Variants in LRRK2 observed in about 807,000 individuals in gnomAD.
The protein encoded by LRRK2 is leucine rich repeat kinase 2, also known as leucine-rich repeat serine/threonine-protein kinase 2.
LRRK2 carries 203 observed loss-of-function variants against 302.6 expected under a neutral mutation model. The ratio of observed to expected loss-of-function variants is 0.67; its 90% CI spans 0.60 to 0.75. LRRK2 has a LOEUF of 0.75. Ranked by LOEUF, LRRK2 falls within the 30% of genes least tolerant of loss-of-function variation. The probability of loss-of-function intolerance (pLI) is 0.00; values close to 1 mark genes in which losing one functional copy is unlikely to be tolerated. For synonymous variants in LRRK2, 1,066 were observed against 1,031.9 expected, an observed-to-expected ratio of 1.03 and a Z score of -0.63; for missense variants, 2,830 against 2,951.0, an observed-to-expected ratio of 0.96 and a Z score of 0.95.
chr12:40,298,778 A>AAAATATATAT (rs1555185329), intron 24 of LRRK2, among the ~76,000 whole-genome samples: 1 of 60,646 alleles, frequency 1.6e-5, no homozygotes, highest in Middle Eastern at 7.7e-3. Flanking sequence ...GTCTCAAAGA[A>AAAATATATAT]ATATATATAT....
chr12:40,309,278 CTG>C, intron 30 of LRRK2, 45 bp downstream of exon 30: 1 of 1,532,314 alleles, frequency 6.5e-7, no homozygotes, highest in Non-Finnish European at 8.7e-7. Flanking sequence ...ATTCATGTGT[CTG>C]TGTGCGTGTG....
At chr12:40,354,258 TTA>T in intron 44 of LRRK2, 39 bp from the exon 45 acceptor site, 1 of 1,564,476 alleles carries the variant, frequency 6.4e-7, no homozygotes, top group East Asian at 2.2e-5. Context: ...TTGCTTAAGC[TTA>T]AATCAAATCC....
At chr12:40,367,193 A>G in intron 50 of LRRK2, 116 bp downstream of exon 50, 2 of 904,822 alleles carry the variant, frequency 2.2e-6, no homozygotes, top group Non-Finnish European at 3.5e-6. Flanking sequence ...CAGGAATTTT[A>G]ATTGGTAGTT....
At chr12:40,322,207 C>T in intron 36 of LRRK2, 26 bp downstream of exon 36, 1 of 1,569,504 alleles carries the variant, frequency 6.4e-7, no homozygotes, top group Non-Finnish European at 8.7e-7. Context: ...TGAATGTTTT[C>T]AATTGCAACA....
At chr12:40,335,233 T>G in intron 40 of LRRK2, 76 bp downstream of exon 40, 1 of 1,445,576 alleles carries the variant, frequency 6.9e-7, no homozygotes, top group Non-Finnish European at 9.7e-7. Context: ...CTGAGAACAC[T>G]TCCCAGTAAC....
chr12:40,284,003 C>G lies in LRRK2; in HGVS notation c.2370C>G (p.Leu790=), dbSNP rs200463556. Residue 790 remains leucine, a synonymous_variant, in exon 19 of 51, where the codon CTC becomes CTG. Coordinates refer to ENST00000298910, the MANE Select transcript of LRRK2 (RefSeq NM_198578.4). ...GKGDSQIISL[L]LRRLALDVAN... ...GTGACAGCCAGATCATCAGCTTGCT[C>G]TTAAGGAGGCTGGCCCTGGATGTGG... is the stretch of plus-strand genomic sequence containing the variant. 6.2e-7 allele frequency: 1 copy of G among 1,613,998 alleles called. No individual in the cohort carries two copies. The highest frequency in any genetic ancestry group is 8.5e-7 in the Non-Finnish European group (1 of 1,179,930).
chr12:40,288,113 G>A (rs77666262), intron 20 of LRRK2, among the ~76,000 whole-genome samples: 1 of 151,852 alleles, frequency 6.6e-6, no homozygotes, highest in East Asian at 1.9e-4. Context: ...AATGGAGTGA[G>A]GGGCTTTCTT....
At chr12:40,273,497 G>GACT (rs1943321703) in intron 14 of LRRK2, among the ~76,000 whole-genome samples, 1 of 152,174 alleles carries the variant, frequency 6.6e-6, no homozygotes, top group Admixed American at 6.6e-5. Flanking sequence ...GGCATTAGGG[G>GACT]ACTAGACTGA....
At chr12:40,274,190 T>C (rs1348698557) in intron 14 of LRRK2, among the ~76,000 whole-genome samples, 1 of 152,216 alleles carries the variant, frequency 6.6e-6, no homozygotes, top group Non-Finnish European at 1.5e-5. Flanking sequence ...GTCAAGTATG[T>C]AGACTCTGGG....
At position 40,249,962 on chromosome 12, in the gene LRRK2, A is replaced by T. The variant is rs781128684; in HGVS notation, c.958+17A>T. 3 of 1,613,110 alleles carry T rather than the reference A, an allele frequency of 1.9e-6. No individual in the cohort carries two copies. In the South Asian group the frequency reaches 3.3e-5, roughly 18 times the overall value. On this transcript the variant is annotated intron_variant, in intron 8 of 50. Transcript: ENST00000298910. ...CCCTCCTCAGTAAGTAACTTCACTA[A>T]AAAGGGGATTCTTACAGAGGCATTT...
intron 3 of LRRK2, among the ~76,000 whole-genome samples, chr12:40,234,369 CTTTTT>C (rs35906443): frequency 1.3e-3 from 56 of 43,070 alleles, no homozygotes; most frequent in African/African-American, 4.8e-3. Context: ...GCTAAATTCA[CTTTTT>C]TTTTTTTTTT....
chr12:40,233,893 G>A (rs1246950265), intron 3 of LRRK2, among the ~76,000 whole-genome samples: 1 of 152,170 alleles, frequency 6.6e-6, no homozygotes, highest in African/African-American at 2.4e-5. Context: ...TGTTTTTGAA[G>A]CCTGTCCTCT....
intron 46 of LRRK2, 84 bp from the exon 47 acceptor site, chr12:40,359,176 G>GT (rs1298383000): frequency 2.5e-6 from 3 of 1,215,430 alleles, no homozygotes; most frequent in Non-Finnish European, 3.5e-6. Context: ...ATGGAAAGTA[G>GT]TTTTTTGAAA....
intron 14 of LRRK2, among the ~76,000 whole-genome samples, chr12:40,271,164 C>A (rs1270650210): frequency 6.6e-6 from 1 of 152,074 alleles, no homozygotes; most frequent in Non-Finnish European, 1.5e-5. Flanking sequence ...TTGCCTTAAT[C>A]TTCTAATTTT....
chr12:40,259,614 A>G lies in LRRK2; in HGVS notation c.1543+10A>G. 1.2e-6 allele frequency: 2 copies of G among 1,612,802 alleles called. No individual in the cohort carries two copies. Among genetic ancestry groups the G allele is most frequent in the Non-Finnish European group, 1.7e-6 (2 of 1,179,066 alleles). The stretch of plus-strand genomic sequence containing the variant: ...CATTTTATAGTGCCTGGTAAGTTAC[A>G]TAGTTGATTGTGGGAAGAGATAACA... On this transcript the variant is annotated intron_variant, in intron 13 of 50. Transcript: ENST00000298910.
At chr12:40,340,124 G>A (rs1945993442) in intron 40 of LRRK2, among the ~76,000 whole-genome samples, 170 bp from the exon 41 acceptor site, 1 of 152,126 alleles carries the variant, frequency 6.6e-6, no homozygotes, top group African/African-American at 2.4e-5. Flanking sequence ...TGTAATATTA[G>A]ACTTATATGT....
intron 10 of LRRK2, among the ~76,000 whole-genome samples, chr12:40,252,693 A>G (rs966512496): frequency 6.6e-6 from 1 of 152,006 alleles, no homozygotes; most frequent in Non-Finnish European, 1.5e-5. Context: ...TCTCTGCTGC[A>G]TATGCTTTTG....
Position 40,287,369 on chromosome 12 carries a change from C to A in LRRK2, c.2519C>A (p.Ala840Glu). The A allele has an allele frequency of 6.2e-7, 1 of 1,612,088 alleles. No individual in the cohort carries two copies. Among genetic ancestry groups the A allele is most frequent in the Non-Finnish European group, 8.5e-7 (1 of 1,178,782 alleles). ...TTTTCAGATATAGCATCTACACTAG[C>A]AAGAATGGTGATCAGATATCAGATG... ...RKQTNIASTL[A>E]RMVIRYQMKS... is the part of the protein sequence containing the mutation. Residue 840 changes from alanine (A) to glutamate (E), a missense_variant, in exon 20 of 51, where the codon GCA becomes GAA. Physicochemically the swap from Ala to Glu is moderately radical, Grantham distance 107. Around this residue, in one of 3 missense-constraint regions of LRRK2, gnomAD observed 2,121 missense variants for 2,148.0 expected, o/e 0.99. Transcript: ENST00000298910.
rs1205315035 is a variant in LRRK2 at position 40,274,698 on chromosome 12, A to G, written c.1772A>G (p.His591Arg). 6.2e-7 allele frequency: 1 copy of G among 1,614,090 alleles called. No homozygotes were observed. Among genetic ancestry groups the G allele is most frequent in the Admixed American group, 1.7e-5 (1 of 60,022 alleles). The stretch of plus-strand genomic sequence containing the variant: ...GAAGGTGCTATGGATTCAGTGCTTC[A>G]CACACTGCAGATGTATCCAGATGAC... ...SLEGAMDSVL[H>R]TLQMYPDDQE... Residue 591 changes from histidine to arginine, a missense_variant, in exon 15 of 51, where the codon CAC (histidine) becomes CGC (arginine). By Grantham distance (29) the His-to-Arg change is conservative (BLOSUM62 0). This residue lies in a region of LRRK2 where 2,121 missense variants were observed against 2,148.0 expected (regional missense o/e 0.99). Coordinates refer to ENST00000298910, the MANE Select transcript of LRRK2 (RefSeq NM_198578.4).
Sources: gnomAD v4.1 joint callset for allele counts (sites outside exome capture counted in the v4.1 genomes callset) on GRCh38, gnomAD v4.1.1 for gene constraint, gnomAD v4.1.1 regional missense constraint, MANE v1.5 for transcripts, NCBI Gene and HGNC (gene_info 2026-07-23, HGNC 2026-07-21) for gene names.